The following RIMBP2 variants were observed in gnomAD, a reference collection of about 807,000 sequenced individuals.
The protein encoded by RIMBP2 is RIMS-binding protein 2.
RIMBP2 carries 48 observed loss-of-function variants against 118.6 expected under a neutral mutation model. That is an observed-to-expected ratio of 0.40 (90% CI 0.32 to 0.51). RIMBP2 has a LOEUF of 0.51. Among genes scored for constraint, RIMBP2 ranks in the 20% least tolerant of loss-of-function variants. The pLI is 0.41. For missense variants in RIMBP2, 1,551 were observed against 1,768.3 expected (o/e 0.88, Z 2.20); for synonymous variants, 762 against 742.9 (o/e 1.03, Z -0.42).
Position 130,422,684 on chromosome 12 carries a change from C to T in RIMBP2, c.3130-123G>A. ...AAAGGCAACTAAACTTAGCTTTTAA[C>T]TGAAAGGTTAGCTGAATGGCCTGGG... On this transcript the variant is annotated intron_variant, in intron 16 of 22. Coordinates refer to ENST00000690449, the MANE Select transcript of RIMBP2 (RefSeq NM_001393629.1). The surrounding 1 kb of genome is among the most constrained non-coding windows in gnomAD (Gnocchi z 5.2). The T allele has an allele frequency of 1.5e-6, 1 of 685,810 alleles. No homozygotes were observed. The highest frequency in any genetic ancestry group is 2.5e-6 in the Non-Finnish European group (1 of 397,424). The allele number at this position is 685,810 out of a possible 1,614,324, so 42.5% of individuals were successfully genotyped here.
Position 130,441,254 on chromosome 12 carries a change from A to G in RIMBP2, c.1504+594T>C, listed in dbSNP as rs143238219. 6.1e-3 allele frequency among the ~76,000 whole-genome samples: 930 copies of G among 152,030 alleles called. 9 individuals are homozygous for G. Among genetic ancestry groups the G allele is most frequent in the African/African-American group, 0.022 (896 of 41,470 alleles). Reference sequence around the variant, plus strand: ...TGTCTCTACTAAAAATACAAAAATTAGCCGAGCGTGGCGGCAGGTGCCTAT... The same window carrying G: ...TGTCTCTACTAAAAATACAAAAATTGGCCGAGCGTGGCGGCAGGTGCCTAT... On this transcript the variant is annotated intron_variant, in intron 11 of 22. Transcript: ENST00000690449.
intron 1 of RIMBP2, among the ~76,000 whole-genome samples, chr12:130,664,260 G>A (rs933867934): frequency 3.3e-5 from 5 of 151,680 alleles, no homozygotes; most frequent in African/African-American, 1.2e-4. Context: ...ACAGAAAGAG[G>A]AGAGGCTGGA....
chr12:130,544,184 C>T (rs960514746), intron 2 of RIMBP2, among the ~76,000 whole-genome samples: 3 of 152,202 alleles, frequency 2.0e-5, no homozygotes, highest in African/African-American at 7.2e-5. Context: ...TGTCCTGACC[C>T]CTTTCACTTC....
At chr12:130,534,663 G>A (rs1373373135) in intron 2 of RIMBP2, among the ~76,000 whole-genome samples, 6 of 152,218 alleles carry the variant, frequency 3.9e-5, no homozygotes, top group African/African-American at 1.4e-4. Context: ...TGCCTGCAGA[G>A]GCATGAACAT....
intron 2 of RIMBP2, among the ~76,000 whole-genome samples, chr12:130,530,368 T>C (rs2053241630): frequency 6.6e-6 from 1 of 152,212 alleles, no homozygotes. Flanking sequence ...CAAATGCTTG[T>C]TCAGACTATA....
chr12:130,543,766 A>G (rs1302290063), intron 2 of RIMBP2, among the ~76,000 whole-genome samples: 1 of 152,020 alleles, frequency 6.6e-6, no homozygotes, highest in Non-Finnish European at 1.5e-5. Flanking sequence ...GGAAAAAAAA[A>G]AAAAAGTTCT....
In RIMBP2 at chr12:130,563,912, C is replaced by T. The variant is rs563374150; in HGVS notation, c.-216-45995G>A. Among the ~76,000 whole-genome samples the T allele has an allele frequency of 2.6e-5, 4 of 152,278 alleles. No individual in the cohort carries two copies. The South Asian group carries it at 6.2e-4, about 24-fold the overall frequency. ...TATACAAAAGCCAAAAACCTTCCTA[C>T]ACCTGCTGGGCTCTACATAACCTGG... On this transcript the variant is annotated intron_variant, in intron 2 of 22. Coordinates refer to ENST00000690449, the MANE Select transcript of RIMBP2 (RefSeq NM_001393629.1).
In RIMBP2 at chr12:130,481,524, A is replaced by T. The variant is rs376118630; in HGVS notation, c.-3-2508T>A. Among the ~76,000 whole-genome samples the T allele has an allele frequency of 9.2e-5, 14 of 152,268 alleles. No individual in the cohort carries two copies. The East Asian group carries it at 2.7e-3, about 29-fold the overall frequency. ...TGTCTCCAGAAGAGGCTCCCAGTGAACTCAGAAGCTGGAATTACCCTGCAC... is the reference window on the plus strand; with the variant it reads ...TGTCTCCAGAAGAGGCTCCCAGTGATCTCAGAAGCTGGAATTACCCTGCAC... On this transcript the variant is annotated intron_variant, in intron 4 of 22. Coordinates refer to ENST00000690449, the MANE Select transcript of RIMBP2 (RefSeq NM_001393629.1).
At position 130,604,017 on chromosome 12, in the gene RIMBP2, T is replaced by G. The variant is rs917248388; in HGVS notation, c.-217+24305A>C. On this transcript the variant is annotated intron_variant, in intron 2 of 22. Coordinates refer to ENST00000690449, the MANE Select transcript of RIMBP2 (RefSeq NM_001393629.1). The stretch of plus-strand genomic sequence containing the variant: ...CCTTGTCACCCTAGGAGATGGCCGC[T>G]CCACGCGTGCTTTGCCCCTGGAGAC... Among the ~76,000 whole-genome samples the G allele has an allele frequency of 5.3e-4, 80 of 152,146 alleles. 2 individuals are homozygous for G. The highest frequency in any genetic ancestry group is 3.5e-4 in the Non-Finnish European group (24 of 68,026).
At chr12:130,635,523 C>T (rs778079116) in intron 1 of RIMBP2, among the ~76,000 whole-genome samples, 2 of 152,178 alleles carry the variant, frequency 1.3e-5, no homozygotes, top group Non-Finnish European at 2.9e-5. Flanking sequence ...TGCAGCTCTG[C>T]TCCAAATCAT....
intron 1 of RIMBP2, among the ~76,000 whole-genome samples, chr12:130,665,865 G>A (rs2063894784): frequency 6.6e-6 from 1 of 152,260 alleles, no homozygotes; most frequent in East Asian, 1.9e-4. Flanking sequence ...ATTATTTCCT[G>A]TGGTTTTGTA....
intron 6 of RIMBP2, among the ~76,000 whole-genome samples, chr12:130,463,447 A>T (rs1024957321): frequency 5.9e-5 from 9 of 152,162 alleles, no homozygotes; most frequent in Admixed American, 2.0e-4. Context: ...GCAAATGTGG[A>T]TGTGGCTATT....
At chr12:130,666,107 T>C (rs1478032581) in intron 1 of RIMBP2, among the ~76,000 whole-genome samples, 1 of 152,166 alleles carries the variant, frequency 6.6e-6, no homozygotes, top group African/African-American at 2.4e-5. Context: ...GCACATTTTT[T>C]TGGTAAGTGT....
At chr12:130,664,443 A>ACACACACGCACG (rs1555320922) in intron 1 of RIMBP2, among the ~76,000 whole-genome samples, 2 of 64,616 alleles carry the variant, frequency 3.1e-5, no homozygotes, top group Non-Finnish European at 8.4e-5. Flanking sequence ...ATGCACGCAC[A>ACACACACGCACG]CACGCACACA....
At chr12:130,575,221 C>A (rs1283380985) in intron 2 of RIMBP2, among the ~76,000 whole-genome samples, 1 of 132,098 alleles carries the variant, frequency 7.6e-6, no homozygotes, top group East Asian at 2.2e-4. Flanking sequence ...TCACACCCCC[C>A]ACCCCCACCC....
chr12:130,486,411 G>A (rs1445656729), intron 4 of RIMBP2, among the ~76,000 whole-genome samples: 1 of 152,134 alleles, frequency 6.6e-6, no homozygotes, highest in Non-Finnish European at 1.5e-5. Context: ...ATCTTAGCCA[G>A]CTTTGAGGTT....
intron 2 of RIMBP2, among the ~76,000 whole-genome samples, chr12:130,558,122 T>C (rs1255310839): frequency 6.6e-6 from 1 of 152,180 alleles, no homozygotes; most frequent in African/African-American, 2.4e-5. Flanking sequence ...ACAACCATGA[T>C]TTGATTCTAT....
At chr12:130,438,280 G>A (rs1459567641) in intron 12 of RIMBP2, 85 bp downstream of exon 12, 1 of 1,477,836 alleles carries the variant, frequency 6.8e-7, no homozygotes, top group African/African-American at 1.4e-5. Flanking sequence ...AGCAGACCCT[G>A]CCTCCTCCAC....
rs531824698 is a variant in RIMBP2 at position 130,455,426 on chromosome 12, T to G, written c.358+1070A>C. On this transcript the variant is annotated intron_variant, in intron 7 of 22. Coordinates refer to ENST00000690449, the MANE Select transcript of RIMBP2 (RefSeq NM_001393629.1). ...CTGTCTGTCTCTCAGCGTTGCAACC[T>G]AGGCAGGGCATGCAGCCTGGGTGTC... Among the ~76,000 whole-genome samples the G allele has an allele frequency of 1.5e-3, 229 of 152,314 alleles. 1 individual carries two copies. Among genetic ancestry groups the G allele is most frequent in the African/African-American group, 5.3e-3 (219 of 41,578 alleles).
Sources: gnomAD v4.1 joint callset for allele counts (sites outside exome capture counted in the v4.1 genomes callset) on GRCh38, gnomAD v4.1.1 for gene constraint, Gnocchi (gnomAD v3.1) non-coding constraint, MANE v1.5 for transcripts, NCBI Gene and HGNC (gene_info 2026-07-23, HGNC 2026-07-21) for gene names.